ARHGEF10L: variants seen among roughly 807,000 people sequenced by gnomAD.
ARHGEF10L encodes rho guanine nucleotide exchange factor 10-like protein.
Under a neutral mutation model 141.2 loss-of-function variants are expected in ARHGEF10L, and 69 were observed. The ratio of observed to expected loss-of-function variants is 0.49; its 90% CI spans 0.40 to 0.60. The LOEUF (loss-of-function observed/expected upper bound fraction) is 0.60. Among genes scored for constraint, ARHGEF10L ranks in the 20% least tolerant of loss-of-function variants. ARHGEF10L has a pLI of 0.00. For missense variants in ARHGEF10L, 1,482 were observed against 1,734.3 expected, an observed-to-expected ratio of 0.85 and a Z score of 2.58; for synonymous variants, 711 against 718.5, an observed-to-expected ratio of 0.99 and a Z score of 0.17.
chr1:17,567,729 C>G (rs2077821377), intron 1 of ARHGEF10L, among the ~76,000 whole-genome samples: 1 of 152,176 alleles, frequency 6.6e-6, no homozygotes. Flanking sequence ...GGCTGATTCT[C>G]CAGCCGGCGT....
intron 22 of ARHGEF10L, among the ~76,000 whole-genome samples, chr1:17,649,861 C>T (rs949176529): frequency 1.3e-5 from 2 of 152,124 alleles, no homozygotes; most frequent in African/African-American, 4.8e-5. Context: ...TAGACAAACC[C>T]ACACAGAGGG....
intron 26 of ARHGEF10L, among the ~76,000 whole-genome samples, chr1:17,668,377 G>A (rs1049366116): frequency 1.3e-5 from 2 of 152,224 alleles, no homozygotes; most frequent in Non-Finnish European, 2.9e-5. Context: ...GGAAGGACAG[G>A]GGCCCGGGTC....
At chr1:17,618,489 CCCTCCTCCT>C in intron 9 of ARHGEF10L, 1 of 1,448,036 alleles carries the variant, frequency 6.9e-7, no homozygotes. Flanking sequence ...CATCCGCTGT[CCCTCCTCCT>C]CCTCCTCCTC....
At chr1:17,661,630 G>A (rs1232301419) in intron 25 of ARHGEF10L, among the ~76,000 whole-genome samples, 2 of 152,118 alleles carry the variant, frequency 1.3e-5, no homozygotes, top group African/African-American at 2.4e-5. Flanking sequence ...TTCCAGTTTT[G>A]GGGGGGTGTT....
chr1:17,570,993 C>A (rs997016105), intron 1 of ARHGEF10L, among the ~76,000 whole-genome samples: 1 of 151,950 alleles, frequency 6.6e-6, no homozygotes, highest in Non-Finnish European at 1.5e-5. Context: ...GGTATGGGCA[C>A]GTTAAGGCTG....
At chr1:17,628,075 C>T (rs1048894265) in intron 15 of ARHGEF10L, among the ~76,000 whole-genome samples, 70 of 151,808 alleles carry the variant, frequency 4.6e-4, no homozygotes, top group African/African-American at 1.3e-3. Flanking sequence ...TGGTAGCTCA[C>T]GCCTGTAGTC....
rs2060442027 is a variant in ARHGEF10L, at chr1:17,627,284, G to T, written c.1411-46G>T. On this transcript the variant is annotated intron_variant, in intron 14 of 28. Transcript: ENST00000361221. This position sits in a 1 kb window ranked among gnomAD's most constrained non-coding sequence, Gnocchi z 4.0. ...TGAGGCTTTGCCCCAGGCTGGGGTA[G>T]AGTTGGTCATGGGTGGGCTGCTCAG... is the stretch of plus-strand genomic sequence containing the variant. The T allele has an allele frequency of 6.3e-7, 1 of 1,595,432 alleles. No homozygotes were observed. Among genetic ancestry groups the T allele is most frequent in the Admixed American group, 1.7e-5 (1 of 59,236 alleles).
rs765571929 is a variant in ARHGEF10L, at chr1:17,627,476, C to G, written c.1557C>G (p.Ser519Arg). ...QVAEIQQLTK[S>R]VSDRSSLNKL... ...CTGAGATCCAGCAGCTGACCAAGAGCGTCAGTGACCGCAGCAGCCTCAACA... is the reference window on the plus strand; with the variant it reads ...CTGAGATCCAGCAGCTGACCAAGAGGGTCAGTGACCGCAGCAGCCTCAACA... The change falls in exon 15 of 29, where the codon AGC becomes AGG. Residue 519 changes from serine (S) to arginine (R), a missense_variant. Transcript: ENST00000361221. This position sits in a 1 kb window ranked among gnomAD's most constrained non-coding sequence, Gnocchi z 4.0. The G allele has an allele frequency of 1.2e-6, 2 of 1,612,366 alleles. No individual in the cohort carries two copies. Among genetic ancestry groups the G allele is most frequent in the Non-Finnish European group, 8.5e-7 (1 of 1,179,996 alleles).
At chr1:17,682,004 C>A (rs1413577424) in intron 26 of ARHGEF10L, among the ~76,000 whole-genome samples, 4 of 152,118 alleles carry the variant, frequency 2.6e-5, no homozygotes, top group African/African-American at 9.7e-5. Context: ...AAAAAAAATC[C>A]AGCGTGCTCT....
chr1:17,617,249 T>C (rs776523345), intron 9 of ARHGEF10L, among the ~76,000 whole-genome samples: 2 of 152,226 alleles, frequency 1.3e-5, no homozygotes, highest in Non-Finnish European at 2.9e-5. Flanking sequence ...ATTTGATCAA[T>C]TGATCATTCA....
At chr1:17,683,284 G>C (rs1209231103) in intron 26 of ARHGEF10L, among the ~76,000 whole-genome samples, 62 of 52,204 alleles carry the variant, frequency 1.2e-3, no homozygotes, top group African/African-American at 4.1e-3. Context: ...TGCTCTCACC[G>C]GGGTGCTCAC....
chr1:17,552,381 C>T (rs2077145545), intron 1 of ARHGEF10L, among the ~76,000 whole-genome samples: 1 of 152,022 alleles, frequency 6.6e-6, no homozygotes, highest in Non-Finnish European at 1.5e-5. Context: ...AGGTACCACG[C>T]ATGATCTTGT....
rs762594343 is a variant in ARHGEF10L at position 17,634,563 on chromosome 1, G to A, written c.1745+1G>A. Reference sequence around the variant, plus strand: ...TTTTTCCCAGGCCTGCCAACCACAGGTACGTGGTTCAGGGGGCTCCGGGGC... The same window carrying A: ...TTTTTCCCAGGCCTGCCAACCACAGATACGTGGTTCAGGGGGCTCCGGGGC... On this transcript the variant is annotated splice_donor_variant, in intron 17 of 28. Transcript: ENST00000361221. LOFTEE classifies it high-confidence loss of function. 4 of 1,613,950 alleles carry A rather than the reference G, an allele frequency of 2.5e-6. No individual in the cohort carries two copies. The highest frequency in any genetic ancestry group is 3.4e-6 in the Non-Finnish European group (4 of 1,179,930).
At chr1:17,609,087 G>A (rs1455660364) in intron 7 of ARHGEF10L, among the ~76,000 whole-genome samples, 1 of 152,192 alleles carries the variant, frequency 6.6e-6, no homozygotes, top group Non-Finnish European at 1.5e-5. Context: ...CCAGCCTCAA[G>A]CTCCTTTTAA....
intron 26 of ARHGEF10L, among the ~76,000 whole-genome samples, chr1:17,685,374 C>A (rs968509601): frequency 6.6e-6 from 1 of 152,162 alleles, no homozygotes; most frequent in African/African-American, 2.4e-5. Context: ...CACCACGGGT[C>A]CCTCTGCTTC....
At chr1:17,638,113 T>G in intron 19 of ARHGEF10L, 110 bp downstream of exon 19, 1 of 959,864 alleles carries the variant, frequency 1.0e-6, no homozygotes, top group Non-Finnish European at 1.5e-6. Flanking sequence ...GTCCCCGATG[T>G]GCTCCTAGCT....
rs753856476 is a variant in ARHGEF10L at position 17,613,151 on chromosome 1, C to T, written c.703C>T (p.Leu235=). ...AGTTGGGGGGAGAGACATGCAGGAGCTGAAGCACAAGTACGATTGTAAGGT... is the reference window on the plus strand; with the variant it reads ...AGTTGGGGGGAGAGACATGCAGGAGTTGAAGCACAAGTACGATTGTAAGGT... ...LRVGGRDMQE[L]KHKYDCKMTQ... The change falls in exon 8 of 29, where the codon CTG becomes TTG. Residue 235 remains leucine, a synonymous_variant. Coordinates refer to ENST00000361221, the MANE Select transcript of ARHGEF10L (RefSeq NM_018125.4). 6.2e-7 allele frequency: 1 copy of T among 1,613,694 alleles called. No individual in the cohort carries two copies. The highest frequency in any genetic ancestry group is 1.1e-5 in the South Asian group (1 of 91,014).
chr1:17,566,635 T>C (rs1189333244), intron 1 of ARHGEF10L, among the ~76,000 whole-genome samples: 1 of 152,196 alleles, frequency 6.6e-6, no homozygotes, highest in African/African-American at 2.4e-5. Context: ...TCTGTGTGGA[T>C]GCAGTGTTGG....
intron 21 of ARHGEF10L, among the ~76,000 whole-genome samples, chr1:17,648,182 T>A (rs908299447): frequency 6.6e-5 from 10 of 152,220 alleles, no homozygotes; most frequent in African/African-American, 1.2e-4. Context: ...TAACATTTTT[T>A]AAAAACCCTT....
Sources: allele counts gnomAD v4.1 joint callset (sites outside exome capture counted in the v4.1 genomes callset), GRCh38; gene constraint gnomAD v4.1.1; non-coding constraint Gnocchi (gnomAD v3.1); transcripts MANE v1.5; gene names NCBI Gene and HGNC (gene_info 2026-07-23, HGNC 2026-07-21).